Variants in STIM2 observed in about 807,000 individuals in gnomAD.
STIM2 encodes stromal interaction molecule 2.
A neutral mutation model predicts 85.8 loss-of-function variants in STIM2; 31 were observed. The ratio of observed to expected loss-of-function variants is 0.36; its 90% CI spans 0.27 to 0.49. The LOEUF is 0.49. Ranked by LOEUF, STIM2 falls within the 20% of genes least tolerant of loss-of-function variation. STIM2 has a pLI of 0.98. For synonymous variants in STIM2, 356 were observed against 331.1 expected (o/e 1.08, Z -0.82); for missense variants, 841 against 927.6 (o/e 0.91, Z 1.21).
chr4:26,898,892 A>G (rs962657006), intron 1 of STIM2, among the ~76,000 whole-genome samples: 6 of 152,096 alleles, frequency 3.9e-5, no homozygotes, highest in African/African-American at 9.7e-5. Flanking sequence ...AAATTTAGCA[A>G]TCTTTCTAAA....
At chr4:26,896,461 T>G (rs1723706616) in intron 1 of STIM2, among the ~76,000 whole-genome samples, 1 of 152,228 alleles carries the variant, frequency 6.6e-6, no homozygotes, top group African/African-American at 2.4e-5. Context: ...TTTAGAATTC[T>G]GTCTTCCACA....
intron 3 of STIM2, among the ~76,000 whole-genome samples, chr4:26,980,564 G>A (rs1727344706): frequency 6.6e-6 from 1 of 151,976 alleles, no homozygotes; most frequent in South Asian, 2.1e-4. Context: ...ATATAAATGG[G>A]AATTATTGAA....
At chr4:26,945,690 C>G (rs150638422) in intron 2 of STIM2, among the ~76,000 whole-genome samples, 24 of 152,266 alleles carry the variant, frequency 1.6e-4, no homozygotes, top group African/African-American at 5.3e-4. Context: ...TTGCATTTCT[C>G]TTATGATCAG....
chr4:26,899,817 G>C (rs1406959731), intron 1 of STIM2, among the ~76,000 whole-genome samples: 1 of 152,038 alleles, frequency 6.6e-6, no homozygotes, highest in Admixed American at 6.6e-5. Context: ...TAATACAATT[G>C]TTTAGATTTG....
intron 1 of STIM2, among the ~76,000 whole-genome samples, chr4:26,904,205 A>G (rs1724038790): frequency 6.7e-6 from 1 of 150,054 alleles, no homozygotes; most frequent in Non-Finnish European, 1.5e-5. Context: ...GGAGACTAGG[A>G]ATGGCATGTA....
At chr4:26,915,676 G>T (rs1724549170) in intron 1 of STIM2, among the ~76,000 whole-genome samples, 1 of 152,212 alleles carries the variant, frequency 6.6e-6, no homozygotes, top group Non-Finnish European at 1.5e-5. Context: ...CTTGGGTTAG[G>T]TCTCATTCTG....
intron 3 of STIM2, among the ~76,000 whole-genome samples, chr4:26,980,952 C>G (rs1418907480): frequency 6.6e-6 from 1 of 152,148 alleles, no homozygotes; most frequent in Non-Finnish European, 1.5e-5. Context: ...TCCTTACTTT[C>G]TGGCACGAAA....
intron 2 of STIM2, among the ~76,000 whole-genome samples, chr4:26,952,752 T>C (rs1458617879): frequency 6.6e-6 from 1 of 152,132 alleles, no homozygotes; most frequent in Non-Finnish European, 1.5e-5. Context: ...TGTTATCACA[T>C]CTAAGAGTTT....
At chr4:26,921,718 A>G (rs910069918) in intron 2 of STIM2, among the ~76,000 whole-genome samples, 1 of 152,186 alleles carries the variant, frequency 6.6e-6, no homozygotes, top group African/African-American at 2.4e-5. Context: ...AGGTATTTAT[A>G]ATCTTGTGTC....
At chr4:26,945,318 A>G (rs1725778528) in intron 2 of STIM2, among the ~76,000 whole-genome samples, 1 of 152,130 alleles carries the variant, frequency 6.6e-6, no homozygotes, top group Non-Finnish European at 1.5e-5. Context: ...GTGTAAATGT[A>G]CTGCATTTTC....
chr4:26,961,602 A>G (rs1363304355), intron 3 of STIM2, among the ~76,000 whole-genome samples: 1 of 152,176 alleles, frequency 6.6e-6, no homozygotes, highest in African/African-American at 2.4e-5. Flanking sequence ...ATTACACTAT[A>G]AGGTGATATG....
At chr4:26,929,141 G>C (rs1359925205) in intron 2 of STIM2, among the ~76,000 whole-genome samples, 1 of 152,074 alleles carries the variant, frequency 6.6e-6, no homozygotes, top group African/African-American at 2.4e-5. Flanking sequence ...TTACCTGTTG[G>C]AGATATTTTA....
In STIM2 at chr4:27,017,757, G is replaced by T; in HGVS notation, c.1536G>T (p.Leu512=). The T allele has an allele frequency of 6.2e-7, 1 of 1,614,146 alleles. No individual in the cohort carries two copies. The highest frequency in any genetic ancestry group is 8.5e-7 in the Non-Finnish European group (1 of 1,180,026). ...GATCATTAGCCAGAAGCAGCAGCCT[G>T]TGCCGTTCACGCCGCAGCATTGTGC... Residue 512 remains leucine (L), a synonymous_variant, in exon 11 of 12, where the codon CTG becomes CTT. Transcript: ENST00000467087.
At chr4:26,984,231 C>T (rs989089202) in intron 3 of STIM2, among the ~76,000 whole-genome samples, 1 of 152,178 alleles carries the variant, frequency 6.6e-6, no homozygotes, top group Admixed American at 6.5e-5. Context: ...TAACTATGTA[C>T]CTGCCATTCC....
chr4:26,875,462 A>G (rs1209472749), intron 1 of STIM2, among the ~76,000 whole-genome samples: 1 of 152,142 alleles, frequency 6.6e-6, no homozygotes, highest in African/African-American at 2.4e-5. Flanking sequence ...GTCATGATAG[A>G]TTCATCATAA....
At chr4:26,961,087 A>G (rs1726438668) in intron 3 of STIM2, among the ~76,000 whole-genome samples, 1 of 152,162 alleles carries the variant, frequency 6.6e-6, no homozygotes, top group Admixed American at 6.5e-5. Context: ...TATAGTAGAT[A>G]TAGGAATTTA....
chr4:26,997,486 G>A (rs1728001789), intron 4 of STIM2, among the ~76,000 whole-genome samples: 1 of 152,146 alleles, frequency 6.6e-6, no homozygotes, highest in Non-Finnish European at 1.5e-5. Context: ...TCAGGCCTAT[G>A]TGGCCTTCCC....
chr4:27,022,198 A>G (rs944072564), intron 11 of STIM2, among the ~76,000 whole-genome samples: 5 of 152,224 alleles, frequency 3.3e-5, no homozygotes, highest in East Asian at 1.9e-4. Flanking sequence ...ACAAAACATA[A>G]AAGTAGCTGA....
intron 3 of STIM2, among the ~76,000 whole-genome samples, chr4:26,987,297 CATG>C (rs1727615139): frequency 6.6e-6 from 1 of 152,256 alleles, no homozygotes; most frequent in Non-Finnish European, 1.5e-5. Flanking sequence ...AAAATAGTGA[CATG>C]GTGGTGGGAC....
Sources: gnomAD v4.1 joint callset for allele counts (sites outside exome capture counted in the v4.1 genomes callset) on GRCh38, gnomAD v4.1.1 for gene constraint, MANE v1.5 for transcripts, NCBI Gene and HGNC (gene_info 2026-07-23, HGNC 2026-07-21) for gene names.